The following CHL1 variants were observed in gnomAD, a reference collection of about 807,000 sequenced individuals.
The protein encoded by CHL1 is cell adhesion molecule L1 like, also known as neural cell adhesion molecule L1-like protein.
A neutral mutation model predicts 141.9 loss-of-function variants in CHL1; 96 were observed. That is an observed-to-expected ratio of 0.68 (90% CI 0.57 to 0.80). CHL1 has a LOEUF of 0.80. CHL1 is among the 30% of genes least tolerant of loss of function. The probability of loss-of-function intolerance (pLI) is 0.00; values close to 1 mark genes in which losing one functional copy is unlikely to be tolerated. For missense variants in CHL1, 1,820 were observed against 1,457.2 expected (o/e 1.25, Z -4.05); for synonymous variants, 613 against 502.2 (o/e 1.22, Z -2.95).
At chr3:259,822 G>A (rs1694536330) in intron 2 of CHL1, among the ~76,000 whole-genome samples, 2 of 152,142 alleles carry the variant, frequency 1.3e-5, no homozygotes, top group African/African-American at 4.8e-5. Context: ...TGGGTCCCAA[G>A]CTGGGCCTAC....
intron 15 of CHL1, among the ~76,000 whole-genome samples, chr3:376,087 G>C (rs1410572467): frequency 6.6e-6 from 1 of 152,194 alleles, no homozygotes; most frequent in Non-Finnish European, 1.5e-5. Context: ...GAGGTTTTTA[G>C]CTTCTTCTAA....
intron 1 of CHL1, among the ~76,000 whole-genome samples, chr3:228,498 C>T (rs960820157): frequency 6.6e-6 from 1 of 152,176 alleles, no homozygotes; most frequent in African/African-American, 2.4e-5. Flanking sequence ...CACACACACA[C>T]ACACAGCAGG....
chr3:336,779 G>C (rs1032611156), intron 5 of CHL1, among the ~76,000 whole-genome samples: 2 of 152,132 alleles, frequency 1.3e-5, no homozygotes, highest in African/African-American at 4.8e-5. Context: ...TGAAATAATT[G>C]GGATGATGAG....
chr3:242,154 T>C (rs542868572), intron 1 of CHL1, among the ~76,000 whole-genome samples: 33 of 152,164 alleles, frequency 2.2e-4, no homozygotes, highest in Middle Eastern at 3.4e-3. Flanking sequence ...AAAAATGAGA[T>C]GAAAAACCAT....
chr3:331,627 T>A (rs922492644), intron 5 of CHL1, among the ~76,000 whole-genome samples: 2 of 152,158 alleles, frequency 1.3e-5, no homozygotes, highest in African/African-American at 4.8e-5. Flanking sequence ...AGATCCTTTT[T>A]TTATTGAAAG....
chr3:277,677 A>C (rs867923738), intron 2 of CHL1, among the ~76,000 whole-genome samples: 1 of 152,232 alleles, frequency 6.6e-6, no homozygotes, highest in South Asian at 2.1e-4. Context: ...AATTCAAGGA[A>C]AATAAATATT....
At chr3:234,741 C>T (rs1691779499) in intron 1 of CHL1, among the ~76,000 whole-genome samples, 1 of 152,056 alleles carries the variant, frequency 6.6e-6, no homozygotes, top group South Asian at 2.1e-4. Flanking sequence ...TATGTTTAGA[C>T]AAGTTCCTAT....
At chr3:376,586 C>T (rs149326154) in intron 15 of CHL1, among the ~76,000 whole-genome samples, 3 of 152,318 alleles carry the variant, frequency 2.0e-5, no homozygotes, top group Non-Finnish European at 2.9e-5. Flanking sequence ...TGAAACACCC[C>T]GTGCCAGGGT....
chr3:388,471 C>T lies in CHL1; in HGVS notation c.2248-781C>T, dbSNP rs544399891. On this transcript the variant is annotated intron_variant, in intron 19 of 27. Transcript: ENST00000256509. ...CTGAGGAAAGAGAATCGCTTGCACC[C>T]GGGAGATGGAGGTTGCCGTGAGCCG... is the stretch of plus-strand genomic sequence containing the variant. Among the ~76,000 whole-genome samples, 202 of 150,002 alleles carry T rather than the reference C, an allele frequency of 1.3e-3. 1 individual carries two copies. The highest frequency in any genetic ancestry group is 4.7e-3 in the African/African-American group (189 of 40,452).
At chr3:340,991 C>G (rs909211607) in intron 6 of CHL1, 75 bp downstream of exon 6, 5 of 1,416,876 alleles carry the variant, frequency 3.5e-6, no homozygotes, top group Non-Finnish European at 4.8e-6. Flanking sequence ...ATAATGAATC[C>G]AAAGACAAAA....
At chr3:372,771 G>GT (rs1378709292) in intron 15 of CHL1, among the ~76,000 whole-genome samples, 2 of 150,868 alleles carry the variant, frequency 1.3e-5, no homozygotes, top group African/African-American at 4.8e-5. Flanking sequence ...CTTGGATGGG[G>GT]TTTTTTGTGG....
At chr3:311,463 C>G (rs1699746021) in intron 2 of CHL1, among the ~76,000 whole-genome samples, 1 of 151,474 alleles carries the variant, frequency 6.6e-6, no homozygotes, top group South Asian at 2.1e-4. Flanking sequence ...TTGGGCAGGA[C>G]TGTGCTGAGC....
At chr3:272,870 T>A (rs1303373678) in intron 2 of CHL1, among the ~76,000 whole-genome samples, 2 of 152,104 alleles carry the variant, frequency 1.3e-5, no homozygotes, top group African/African-American at 2.4e-5. Context: ...GAGAGGTGAA[T>A]AAGACCAAGT....
rs1433230750 is a variant in CHL1, at chr3:406,009, A to G, written c.*298A>G. 2 of 293,500 alleles carry G rather than the reference A, an allele frequency of 6.8e-6. No individual in the cohort carries two copies. The highest frequency in any genetic ancestry group is 8.3e-5 in the East Asian group (1 of 12,032). 18.2% of individuals were successfully genotyped at this position (293,500 alleles called of 1,614,324 possible). A position where few individuals can be genotyped will look rare whatever the true frequency, so the allele number is the denominator to read the frequency against. ...CCAAAGTCCCCATTCAGTATATTCCATATTTGCCTGATTTTACTATTCGGT... is the reference window on the plus strand; with the variant it reads ...CCAAAGTCCCCATTCAGTATATTCCGTATTTGCCTGATTTTACTATTCGGT... On this transcript the variant is annotated 3_prime_UTR_variant, in exon 28 of 28. Transcript: ENST00000256509.
At chr3:290,025 G>A (rs1001925233) in intron 2 of CHL1, among the ~76,000 whole-genome samples, 5 of 142,396 alleles carry the variant, frequency 3.5e-5, no homozygotes, top group African/African-American at 8.1e-5. Context: ...CAATAGCACC[G>A]TAACTCACCC....
At chr3:312,922 T>A (rs1253048295) in intron 2 of CHL1, among the ~76,000 whole-genome samples, 1 of 152,194 alleles carries the variant, frequency 6.6e-6, no homozygotes, top group Non-Finnish European at 1.5e-5. Context: ...ATAATAAAAG[T>A]TGTTGATCTA....
rs548631829 is a variant in CHL1, at chr3:381,115, T to G, written c.1877-1064T>G. On this transcript the variant is annotated intron_variant, in intron 16 of 27. Transcript: ENST00000256509. ...AGAAATAGGGCCTAGGAATTTTCATTGTTATTAACTACTCCTAAAAGAATT... is the reference window on the plus strand; with the variant it reads ...AGAAATAGGGCCTAGGAATTTTCATGGTTATTAACTACTCCTAAAAGAATT... 1.6e-3 allele frequency among the ~76,000 whole-genome samples: 243 copies of G among 152,284 alleles called. 1 individual carries two copies. Among genetic ancestry groups the G allele is most frequent in the African/African-American group, 5.6e-3 (234 of 41,568 alleles).
intron 11 of CHL1, 119 bp from the exon 12 acceptor site, chr3:360,165 C>A (rs1195702599): frequency 1.9e-6 from 2 of 1,072,612 alleles, no homozygotes; most frequent in South Asian, 1.8e-5. Context: ...CTTCAATGAA[C>A]TATTAGTCAC....
At chr3:303,928 G>T (rs1303705734) in intron 2 of CHL1, among the ~76,000 whole-genome samples, 5 of 152,132 alleles carry the variant, frequency 3.3e-5, no homozygotes, top group Non-Finnish European at 7.4e-5. Flanking sequence ...AGAGATTTTA[G>T]CATGAAGGGG....
Sources: allele counts gnomAD v4.1 joint callset (sites outside exome capture counted in the v4.1 genomes callset), GRCh38; gene constraint gnomAD v4.1.1; transcripts MANE v1.5; gene names NCBI Gene and HGNC (gene_info 2026-07-23, HGNC 2026-07-21).